Variants in DSCAM observed in about 807,000 individuals in gnomAD.
DSCAM encodes DS cell adhesion molecule.
DSCAM carries 47 observed loss-of-function variants against 217.7 expected under a neutral mutation model. The observed-to-expected ratio is 0.22, with a 90% CI of 0.17 to 0.28. DSCAM has a LOEUF of 0.28. Among genes scored for constraint, DSCAM ranks in the 10% least tolerant of loss-of-function variants. The pLI is 1.00. For synonymous variants in DSCAM, 1,056 were observed against 1,015.3 expected (o/e 1.04, Z -0.76); for missense variants, 2,080 against 2,618.3 (o/e 0.79, Z 4.49).
intron 3 of DSCAM, among the ~76,000 whole-genome samples, chr21:40,581,221 A>G (rs903615481): frequency 6.6e-6 from 1 of 152,162 alleles, no homozygotes; most frequent in Admixed American, 6.5e-5. Context: ...CTGCAGCCTC[A>G]AGGAGGTGGC....
chr21:40,229,387 T>C (rs1445396935), intron 11 of DSCAM, among the ~76,000 whole-genome samples: 1 of 152,236 alleles, frequency 6.6e-6, no homozygotes, highest in African/African-American at 2.4e-5. Context: ...TACATTAAGA[T>C]TCATTCTTTT....
chr21:40,042,341 G>T (rs755200250), intron 32 of DSCAM, 30 bp downstream of exon 32: 4 of 1,603,578 alleles, frequency 2.5e-6, no homozygotes, highest in Non-Finnish European at 3.4e-6. Flanking sequence ...TTCCCTAAGC[G>T]ACGGCCCCCA....
chr21:40,637,655 A>ATATATAAATATATATC (rs1263200847), intron 3 of DSCAM, among the ~76,000 whole-genome samples: 2 of 122,482 alleles, frequency 1.6e-5, no homozygotes, highest in East Asian at 2.2e-4. Context: ...ATATATCTAT[A>ATATATAAATATATATC]TATATATATA....
At chr21:40,511,214 A>G (rs1242229003) in intron 3 of DSCAM, among the ~76,000 whole-genome samples, 2 of 152,210 alleles carry the variant, frequency 1.3e-5, no homozygotes, top group Non-Finnish European at 2.9e-5. Flanking sequence ...AAAAGAGGAA[A>G]GCAGAACAGA....
intron 25 of DSCAM, among the ~76,000 whole-genome samples, chr21:40,079,808 A>G (rs2297261): frequency 0.28 from 31,340 of 111,312 alleles, 3,358 homozygotes; most frequent in Middle Eastern, 0.45. Flanking sequence ...GGAAGGTGGG[A>G]GCAAGGGTGG....
chr21:40,180,481 A>C (rs1419564709), intron 14 of DSCAM, among the ~76,000 whole-genome samples: 4 of 152,202 alleles, frequency 2.6e-5, no homozygotes, highest in Non-Finnish European at 4.4e-5. Context: ...AAAATTGACA[A>C]GGGGAAGAAT....
At chr21:40,143,758 T>G (rs907704275) in intron 17 of DSCAM, among the ~76,000 whole-genome samples, 1 of 152,078 alleles carries the variant, frequency 6.6e-6, no homozygotes, top group Non-Finnish European at 1.5e-5. Flanking sequence ...GCCACTGCAC[T>G]CCAGCCTGGG....
intron 9 of DSCAM, among the ~76,000 whole-genome samples, chr21:40,304,682 A>G (rs138509276): frequency 6.6e-6 from 1 of 152,332 alleles, no homozygotes; most frequent in Non-Finnish European, 1.5e-5. Context: ...GGGGCCATTC[A>G]TTGGCCTAAT....
intron 8 of DSCAM, among the ~76,000 whole-genome samples, chr21:40,328,581 T>G (rs2123550887): frequency 6.6e-6 from 1 of 152,292 alleles, no homozygotes; most frequent in South Asian, 2.1e-4. Flanking sequence ...GGGCAGTGAC[T>G]TTTGGTTATT....
intron 8 of DSCAM, 43 bp downstream of exon 8, chr21:40,338,058 G>A (rs1187383245): frequency 6.2e-7 from 1 of 1,600,508 alleles, no homozygotes. Flanking sequence ...AAGTAGTCGG[G>A]CTATGGAATG....
Position 40,013,025 on chromosome 21 carries a change from T to C in DSCAM, c.*9A>G, listed in dbSNP as rs756875907. The stretch of plus-strand genomic sequence containing the variant: ...TGTATTTACAACCGCTGTCCAGTCA[T>C]GCTGTCTGTTATACCAGGGTGTAAG... On this transcript the variant is annotated 3_prime_UTR_variant, in exon 33 of 33. Transcript: ENST00000400454. The C allele has an allele frequency of 2.4e-5, 35 of 1,440,520 alleles. No individual in the cohort carries two copies. The highest frequency in any genetic ancestry group is 3.1e-5 in the Non-Finnish European group (34 of 1,092,470). 89.2% of individuals were successfully genotyped at this position (1,440,520 alleles called of 1,614,324 possible).
At position 40,537,813 on chromosome 21, in the gene DSCAM, G is replaced by A. The variant is rs115535537; in HGVS notation, c.508+154997C>T. 7.5e-3 allele frequency among the ~76,000 whole-genome samples: 1,148 copies of A among 152,242 alleles called. 13 individuals are homozygous for A. Among genetic ancestry groups the A allele is most frequent in the African/African-American group, 0.026 (1,096 of 41,546 alleles). On this transcript the variant is annotated intron_variant, in intron 3 of 32. Transcript: ENST00000400454. ...CTGCTGACTCCTTGATCTCAGAATT[G>A]CAGCCTCCAGAGCTGTAAGACAATA...
At chr21:40,819,430 G>T (rs1187796010) in intron 1 of DSCAM, among the ~76,000 whole-genome samples, 1 of 132,492 alleles carries the variant, frequency 7.5e-6, no homozygotes, top group African/African-American at 3.0e-5. Flanking sequence ...AAGATGTTGA[G>T]TCTCAGGAAA....
At chr21:40,780,413 G>GTATATATATATATATA (rs1196794146) in intron 1 of DSCAM, among the ~76,000 whole-genome samples, 3 of 45,116 alleles carry the variant, frequency 6.6e-5, no homozygotes, top group South Asian at 8.3e-4. Flanking sequence ...GTGTGTGTGT[G>GTATATATATATATATA]TGTGTGTGTG....
intron 1 of DSCAM, among the ~76,000 whole-genome samples, chr21:40,755,859 A>C (rs2091270570): frequency 6.6e-6 from 1 of 152,182 alleles, no homozygotes. Context: ...TTGCAATGTG[A>C]CTTTGCTGCT....
intron 6 of DSCAM, among the ~76,000 whole-genome samples, chr21:40,346,950 G>A (rs539106516): frequency 6.6e-6 from 1 of 152,262 alleles, no homozygotes; most frequent in East Asian, 1.9e-4. Context: ...GTAACAACTT[G>A]GAGGAAGGTG....
At chr21:40,780,252 G>C (rs1042336872) in intron 1 of DSCAM, among the ~76,000 whole-genome samples, 1 of 151,884 alleles carries the variant, frequency 6.6e-6, no homozygotes, top group South Asian at 2.1e-4. Context: ...AGAAGCTAAG[G>C]GACCACCCAC....
At chr21:40,588,963 G>A (rs1318993698) in intron 3 of DSCAM, among the ~76,000 whole-genome samples, 1 of 152,174 alleles carries the variant, frequency 6.6e-6, no homozygotes, top group Non-Finnish European at 1.5e-5. Context: ...TTTTTCAACT[G>A]ATTAATTAGG....
chr21:40,495,588 GA>G (rs1465491430), intron 3 of DSCAM, among the ~76,000 whole-genome samples: 2 of 152,226 alleles, frequency 1.3e-5, no homozygotes, highest in Non-Finnish European at 1.5e-5. Flanking sequence ...ACACAATGAT[GA>G]AAAATTGAAA....
Sources: gnomAD v4.1 joint callset for allele counts (sites outside exome capture counted in the v4.1 genomes callset) on GRCh38, gnomAD v4.1.1 for gene constraint, MANE v1.5 for transcripts, NCBI Gene and HGNC (gene_info 2026-07-23, HGNC 2026-07-21) for gene names.